ARHGAP24: variants seen among roughly 807,000 people sequenced by gnomAD.
The protein encoded by ARHGAP24 is Rho GTPase activating protein 24.
ARHGAP24 carries 50 observed loss-of-function variants against 76.4 expected under a neutral mutation model. The ratio of observed to expected loss-of-function variants is 0.65; its 90% CI spans 0.52 to 0.83. The LOEUF (loss-of-function observed/expected upper bound fraction) is 0.83, where lower values mean the gene tolerates loss of function less well. Among genes scored for constraint, ARHGAP24 ranks in the 40% least tolerant of loss-of-function variants. The probability of loss-of-function intolerance (pLI) is 0.00; values close to 1 mark genes in which losing one functional copy is unlikely to be tolerated. For synonymous variants in ARHGAP24, 345 were observed against 323.3 expected, an observed-to-expected ratio of 1.07 and a Z score of -0.72; for missense variants, 930 against 914.2, an observed-to-expected ratio of 1.02 and a Z score of -0.22.
chr4:85,841,011 T>C (rs903514288), intron 3 of ARHGAP24, among the ~76,000 whole-genome samples: 1 of 152,190 alleles, frequency 6.6e-6, no homozygotes, highest in African/African-American at 2.4e-5. Context: ...ATAATACCTG[T>C]TAGAGAAACC....
chr4:85,800,781 T>A (rs1328617413), intron 3 of ARHGAP24, among the ~76,000 whole-genome samples: 1 of 152,242 alleles, frequency 6.6e-6, no homozygotes, highest in Non-Finnish European at 1.5e-5. Flanking sequence ...CTGGGAATTT[T>A]AAAAATGTTA....
chr4:85,602,231 A>C (rs957314116), intron 2 of ARHGAP24, among the ~76,000 whole-genome samples: 2 of 152,326 alleles, frequency 1.3e-5, no homozygotes, highest in East Asian at 3.9e-4. Flanking sequence ...AAAATTTGTC[A>C]TATCTCACGT....
intron 3 of ARHGAP24, among the ~76,000 whole-genome samples, chr4:85,837,986 A>G (rs1209872439): frequency 1.3e-5 from 2 of 152,190 alleles, no homozygotes; most frequent in Non-Finnish European, 2.9e-5. Flanking sequence ...GCATCATTTG[A>G]CTGTCTTGAT....
At chr4:85,507,472 T>C (rs1724109306) in intron 1 of ARHGAP24, among the ~76,000 whole-genome samples, 1 of 152,220 alleles carries the variant, frequency 6.6e-6, no homozygotes, top group South Asian at 2.1e-4. Context: ...GCCTAGCTTA[T>C]AGTAGGTATT....
intron 3 of ARHGAP24, among the ~76,000 whole-genome samples, chr4:85,757,215 T>TTC (rs1204582720): frequency 2.0e-5 from 3 of 149,514 alleles, no homozygotes; most frequent in Non-Finnish European, 3.0e-5. Context: ...AACCAATTCT[T>TTC]TTTTTTTTTT....
At position 85,796,409 on chromosome 4, in the gene ARHGAP24, T is replaced by C. The variant is rs117073104; in HGVS notation, c.268+74437T>C. On this transcript the variant is annotated intron_variant, in intron 3 of 9. Transcript: ENST00000395184. The stretch of plus-strand genomic sequence containing the variant: ...TACATTAGCCTTCCTATTAATTTAA[T>C]GCATCTCAGTTGTATCAGAACTTTT... 1.9e-3 allele frequency among the ~76,000 whole-genome samples: 284 copies of C among 152,324 alleles called. 1 individual carries two copies. In the East Asian group the frequency reaches 0.037, roughly 20 times the overall value.
chr4:85,543,048 A>AAG (rs1725767275), intron 1 of ARHGAP24, among the ~76,000 whole-genome samples: 1 of 152,214 alleles, frequency 6.6e-6, no homozygotes, highest in East Asian at 1.9e-4. Context: ...TAGCTGTAGT[A>AAG]AGTTCCAATA....
chr4:85,680,782 T>TATTATA (rs990550453), intron 2 of ARHGAP24, among the ~76,000 whole-genome samples: 5 of 148,522 alleles, frequency 3.4e-5, no homozygotes, highest in Admixed American at 2.7e-4. Context: ...ATATATATAA[T>TATTATA]ATTATAATTA....
chr4:85,539,913 C>T (rs997441883), intron 1 of ARHGAP24, among the ~76,000 whole-genome samples: 12 of 151,992 alleles, frequency 7.9e-5, no homozygotes, highest in African/African-American at 2.7e-4. Flanking sequence ...GGTGTGGTGG[C>T]GGGTTCCTGT....
intron 2 of ARHGAP24, among the ~76,000 whole-genome samples, chr4:85,662,017 C>T (rs1388833245): frequency 6.6e-6 from 1 of 152,186 alleles, no homozygotes; most frequent in Admixed American, 6.5e-5. Context: ...ATTTGTAGTC[C>T]TTTGGGTATA....
intron 3 of ARHGAP24, among the ~76,000 whole-genome samples, chr4:85,920,765 GA>G (rs1735675150): frequency 1.3e-5 from 2 of 152,022 alleles, no homozygotes; most frequent in Non-Finnish European, 2.9e-5. Flanking sequence ...ACAATCATAT[GA>G]AAAAAAGCTC....
intron 1 of ARHGAP24, among the ~76,000 whole-genome samples, chr4:85,487,845 T>C (rs1420333910): frequency 4.1e-5 from 5 of 122,862 alleles, no homozygotes; most frequent in East Asian, 4.2e-4. Flanking sequence ...ATTATATAAA[T>C]ATATATTTAT....
chr4:85,751,240 A>T (rs1726251202), intron 3 of ARHGAP24, among the ~76,000 whole-genome samples: 1 of 152,168 alleles, frequency 6.6e-6, no homozygotes, highest in South Asian at 2.1e-4. Context: ...ATATAAATTT[A>T]CTTATTCTTT....
chr4:85,520,032 A>G (rs1203286638), intron 1 of ARHGAP24, among the ~76,000 whole-genome samples: 1 of 152,168 alleles, frequency 6.6e-6, no homozygotes, highest in Non-Finnish European at 1.5e-5. Context: ...ATACTTACCT[A>G]GCAAAATGAA....
chr4:85,986,807 C>CA (rs1740032294), intron 8 of ARHGAP24, among the ~76,000 whole-genome samples: 1 of 152,090 alleles, frequency 6.6e-6, no homozygotes. Context: ...GTCTTTCCCA[C>CA]AAAAAGAGTG....
rs1021139593 is a variant in ARHGAP24 at position 85,612,782 on chromosome 4, C to T, written c.180+42061C>T. ...CACAGATAACAGCTAAAGCCCTATCCTTTCCATTCCTTTTTTTTTTTTTTT... is the reference window on the plus strand; with the variant it reads ...CACAGATAACAGCTAAAGCCCTATCTTTTCCATTCCTTTTTTTTTTTTTTT... On this transcript the variant is annotated intron_variant, in intron 2 of 9. Coordinates refer to ENST00000395184, the MANE Select transcript of ARHGAP24 (RefSeq NM_001025616.3). Among the ~76,000 whole-genome samples, 3 of 135,174 alleles carry T rather than the reference C, an allele frequency of 2.2e-5. No homozygotes were observed. In the East Asian group the frequency reaches 8.1e-4, roughly 37 times the overall value. The allele number at this position is 135,174 out of a possible 152,430, so 88.7% of individuals were successfully genotyped here. A position where few individuals can be genotyped will look rare whatever the true frequency, so the allele number is the denominator to read the frequency against.
At chr4:85,631,549 A>G (rs979792823) in intron 2 of ARHGAP24, among the ~76,000 whole-genome samples, 1 of 152,156 alleles carries the variant, frequency 6.6e-6, no homozygotes, top group Admixed American at 6.6e-5. Context: ...TAGCATTTTC[A>G]GAATGTATAA....
At chr4:85,944,657 A>G (rs1387173112) in intron 5 of ARHGAP24, among the ~76,000 whole-genome samples, 1 of 152,068 alleles carries the variant, frequency 6.6e-6, no homozygotes, top group Non-Finnish European at 1.5e-5. Context: ...CCTCTTTTTT[A>G]AAAAATGTCT....
At chr4:85,988,266 A>G (rs1245583337) in intron 8 of ARHGAP24, among the ~76,000 whole-genome samples, 1 of 151,792 alleles carries the variant, frequency 6.6e-6, no homozygotes, top group Admixed American at 6.6e-5. Context: ...CAGCAATAAT[A>G]TGTGGATTAA....
Sources: gnomAD v4.1 joint callset for allele counts (sites outside exome capture counted in the v4.1 genomes callset) on GRCh38, gnomAD v4.1.1 for gene constraint, MANE v1.5 for transcripts, NCBI Gene and HGNC (gene_info 2026-07-23, HGNC 2026-07-21) for gene names.